AKAP5: variants seen among roughly 807,000 people sequenced by gnomAD.
AKAP5 encodes the protein A-kinase anchor protein 5.
In AKAP5, 5 loss-of-function variants were observed where a neutral mutation model predicts 13.8. The observed-to-expected ratio is 0.36, with a 90% confidence interval of 0.19 to 0.76. AKAP5 has a LOEUF of 0.76. Among genes scored for constraint, AKAP5 ranks in the 30% least tolerant of loss-of-function variants. AKAP5 has a pLI of 0.51. For synonymous variants in AKAP5, 148 were observed against 167.2 expected, an observed-to-expected ratio of 0.89 and a Z score of 0.89; for missense variants, 406 against 484.4, an observed-to-expected ratio of 0.84 and a Z score of 1.52.
In AKAP5 at chr14:64,468,301, A is replaced by G; in HGVS notation, c.-94A>G. On this transcript the variant is annotated 5_prime_UTR_variant, in exon 2 of 2. Transcript: ENST00000394718. ...TATGAATATGCCTGGAAGAAATTTT[A>G]CCTAGTGTGACATTTTTGCTCATCT... 8.4e-7 allele frequency: 1 copy of G among 1,192,524 alleles called. No homozygotes were observed. Among genetic ancestry groups the G allele is most frequent in the Non-Finnish European group, 1.2e-6 (1 of 863,566 alleles). The allele number at this position is 1,192,524 out of a possible 1,614,324, so 73.9% of individuals were successfully genotyped here. A position where few individuals can be genotyped will look rare whatever the true frequency, so the allele number is the denominator to read the frequency against.
chr14:64,469,506 T>C lies in AKAP5; in HGVS notation c.1112T>C (p.Val371Ala). 6.2e-7 allele frequency: 1 copy of C among 1,613,412 alleles called. No individual in the cohort carries two copies. Among genetic ancestry groups the C allele is most frequent in the Non-Finnish European group, 8.5e-7 (1 of 1,179,858 alleles). The part of the protein sequence containing the change: ...QFLISAENEQ[V>A]GVFANDNGFE... Reference sequence around the variant, plus strand: ...TTAATTTCAGCTGAAAATGAGCAAGTAGGGGTTTTTGCTAATGATAATGGT... The same window carrying C: ...TTAATTTCAGCTGAAAATGAGCAAGCAGGGGTTTTTGCTAATGATAATGGT... Residue 371 changes from valine (V) to alanine (A), a missense_variant, in exon 2 of 2, where the codon GTA becomes GCA. Val to Ala is a moderately conservative substitution (Grantham distance 64, BLOSUM62 0). Coordinates refer to ENST00000394718, the MANE Select transcript of AKAP5 (RefSeq NM_004857.3).
At chr14:64,467,791 G>A (rs1297967244) in intron 1 of AKAP5, 1 of 152,052 alleles carries the variant, frequency 6.6e-6, no homozygotes, top group African/African-American at 2.4e-5. Context: ...ACATCAGCTT[G>A]CTTTTCATCC....
At position 64,472,704 on chromosome 14, in the gene AKAP5, G is replaced by A. The variant is rs1228148067; in HGVS notation, c.*3026G>A. 1 of 166,818 alleles carries A rather than the reference G, an allele frequency of 6.0e-6. No individual in the cohort carries two copies. Among genetic ancestry groups the A allele is most frequent in the African/African-American group, 2.4e-5 (1 of 41,432 alleles). 10.3% of individuals were successfully genotyped at this position (166,818 alleles called of 1,614,324 possible). A position where few individuals can be genotyped will look rare whatever the true frequency, so the allele number is the denominator to read the frequency against. On this transcript the variant is annotated 3_prime_UTR_variant, in exon 2 of 2. Transcript: ENST00000394718. ...CTACATGGCCAAATCCTATTACAGTGAATTCTAAGGTGATTCAAATTGTTT... is the reference window on the plus strand; with the variant it reads ...CTACATGGCCAAATCCTATTACAGTAAATTCTAAGGTGATTCAAATTGTTT...
Position 64,474,229 on chromosome 14 carries a change from G to A in AKAP5, c.*4551G>A, listed in dbSNP as rs892870134. 1 of 167,064 alleles carries A rather than the reference G, an allele frequency of 6.0e-6. No individual in the cohort carries two copies. The highest frequency in any genetic ancestry group is 2.4e-5 in the African/African-American group (1 of 41,438). The allele number at this position is 167,064 out of a possible 1,614,324, so 10.3% of individuals were successfully genotyped here. On this transcript the variant is annotated 3_prime_UTR_variant, in exon 2 of 2. Transcript: ENST00000394718. ...CTGAATACAGCAGCAGTTTGAAAGTGTTCCGTTTTTAAATAAACAGTATGC... is the reference window on the plus strand; with the variant it reads ...CTGAATACAGCAGCAGTTTGAAAGTATTCCGTTTTTAAATAAACAGTATGC...
Position 64,466,174 on chromosome 14 carries a change from C to G in AKAP5, c.-264+561C>G, listed in dbSNP as rs530515934. 3.5e-4 allele frequency among the ~76,000 whole-genome samples: 54 copies of G among 152,296 alleles called. 1 individual carries two copies. Among genetic ancestry groups the G allele is most frequent in the Middle Eastern group, 3.4e-3 (1 of 294 alleles). On this transcript the variant is annotated intron_variant, in intron 1 of 1. Coordinates refer to ENST00000394718, the MANE Select transcript of AKAP5 (RefSeq NM_004857.3). ...TGTGACATGAGACTTGCAATTCCAT[C>G]AGGAAATGAGCACAGGGACTTTAAG...
chr14:64,469,395 G>A lies in AKAP5; in HGVS notation c.1001G>A (p.Arg334Lys). The change falls in exon 2 of 2, where the codon AGA becomes AAA. Residue 334 changes from arginine to lysine, a missense_variant. Coordinates refer to ENST00000394718, the MANE Select transcript of AKAP5 (RefSeq NM_004857.3). The part of the protein sequence containing the change: ...EEKSKSEESK[R>K]MEPIAIIITD... Reference sequence around the variant, plus strand: ...AAATCCAAATCAGAAGAAAGCAAAAGAATGGAGCCAATTGCTATTATTATT... The same window carrying A: ...AAATCCAAATCAGAAGAAAGCAAAAAAATGGAGCCAATTGCTATTATTATT... 6.2e-7 allele frequency: 1 copy of A among 1,613,980 alleles called. No homozygotes were observed. Among genetic ancestry groups the A allele is most frequent in the Non-Finnish European group, 8.5e-7 (1 of 1,179,972 alleles).
chr14:64,472,962 A>T lies in AKAP5; in HGVS notation c.*3284A>T, dbSNP rs2078690190. 6.0e-6 allele frequency: 1 copy of T among 167,046 alleles called. No individual in the cohort carries two copies. Among genetic ancestry groups the T allele is most frequent in the East Asian group, 1.9e-4 (1 of 5,210 alleles). The allele number at this position is 167,046 out of a possible 1,614,324, so 10.3% of individuals were successfully genotyped here. On this transcript the variant is annotated 3_prime_UTR_variant, in exon 2 of 2. Transcript: ENST00000394718. ...GCTTTTAATGAATGTTTATTTATTTATTAGCCAAAATTCAGTTTCTCTTTG... is the reference window on the plus strand; with the variant it reads ...GCTTTTAATGAATGTTTATTTATTTTTTAGCCAAAATTCAGTTTCTCTTTG...
rs994804561 is a variant in AKAP5 at position 64,469,939 on chromosome 14, T to C, written c.*261T>C. On this transcript the variant is annotated 3_prime_UTR_variant, in exon 2 of 2. Transcript: ENST00000394718. ...CATACAGGGAGTTGCTAAAATGGCA[T>C]ATGGAGATTGGAGTGCTTTGGGGGA... 2.7e-4 allele frequency: 88 copies of C among 324,570 alleles called. No homozygotes were observed. Among genetic ancestry groups the C allele is most frequent in the African/African-American group, 1.7e-3 (80 of 46,014 alleles). 20.1% of individuals were successfully genotyped at this position (324,570 alleles called of 1,614,324 possible).
chr14:64,471,801 C>G lies in AKAP5; in HGVS notation c.*2123C>G, dbSNP rs2078675259. 2.4e-5 allele frequency: 4 copies of G among 167,158 alleles called. No individual in the cohort carries two copies. In the South Asian group the frequency reaches 8.3e-4, roughly 35 times the overall value. 10.4% of individuals were successfully genotyped at this position (167,158 alleles called of 1,614,324 possible). A position where few individuals can be genotyped will look rare whatever the true frequency, so the allele number is the denominator to read the frequency against. On this transcript the variant is annotated 3_prime_UTR_variant, in exon 2 of 2. Transcript: ENST00000394718. Reference sequence around the variant, plus strand: ...TGCACATTAGATGATTTTAAATGATCTGGGTGAATTCTTGCATTGTGTATG... The same window carrying G: ...TGCACATTAGATGATTTTAAATGATGTGGGTGAATTCTTGCATTGTGTATG...
chr14:64,469,008 C>G lies in AKAP5; in HGVS notation c.614C>G (p.Ser205Cys), dbSNP rs2230492. 26 of 1,614,060 alleles carry G rather than the reference C, an allele frequency of 1.6e-5. No individual in the cohort carries two copies. The highest frequency in any genetic ancestry group is 1.9e-5 in the Non-Finnish European group (23 of 1,180,034). ...TCAAATGTGAGCAATAGCACAACTT[C>G]TGGAGAGAAAGTGATTTCAGTAGAA... ...CESNVSNSTT[S>C]GEKVISVELG... The change falls in exon 2 of 2, where the codon TCT becomes TGT. Residue 205 changes from serine to cysteine, a missense_variant. Ser to Cys is a moderately radical substitution (Grantham distance 112). Transcript: ENST00000394718.
Position 64,468,773 on chromosome 14 carries a change from A to C in AKAP5, c.379A>C (p.Ile127Leu). The change falls in exon 2 of 2, where the codon ATT becomes CTT. Residue 127 changes from isoleucine (I) to leucine (L), a missense_variant. Coordinates refer to ENST00000394718, the MANE Select transcript of AKAP5 (RefSeq NM_004857.3). ...GAAAAAGGCAAAATCTAGACTTAAG[A>C]TTCCCTGCATAAAATTCCCAAGAGG... ...SKKKAKSRLK[I>L]PCIKFPRGPK... 6.2e-7 allele frequency: 1 copy of C among 1,614,220 alleles called. No individual in the cohort carries two copies. Among genetic ancestry groups the C allele is most frequent in the South Asian group, 1.1e-5 (1 of 91,088 alleles).
rs781537777 is a variant in AKAP5, at chr14:64,469,651, TAATAA to T, written c.1264_1268del (p.Ile422GlnfsTer18). Reference sequence around the variant, plus strand: ...TGGTTAATGAAATGGCCTCTGATGATAATAAAATAAACAATCTTCTACAGTGACTT... The same window carrying T: ...TGGTTAATGAAATGGCCTCTGATGATAATAAACAATCTTCTACAGTGACTT... On this transcript the variant is annotated frameshift_variant, in exon 2 of 2. Coordinates refer to ENST00000394718, the MANE Select transcript of AKAP5 (RefSeq NM_004857.3). LOFTEE classifies it high-confidence loss of function. 2.6e-5 allele frequency: 41 copies of T among 1,592,430 alleles called. No homozygotes were observed. The highest frequency in any genetic ancestry group is 3.3e-5 in the Non-Finnish European group (39 of 1,173,034).
rs1360263825 is a variant in AKAP5 at position 64,474,046 on chromosome 14, G to T, written c.*4368G>T. 6.0e-6 allele frequency: 1 copy of T among 167,094 alleles called. No individual in the cohort carries two copies. The highest frequency in any genetic ancestry group is 1.5e-5 in the Non-Finnish European group (1 of 68,126). The allele number at this position is 167,094 out of a possible 1,614,324, so 10.4% of individuals were successfully genotyped here. A position where few individuals can be genotyped will look rare whatever the true frequency, so the allele number is the denominator to read the frequency against. On this transcript the variant is annotated 3_prime_UTR_variant, in exon 2 of 2. Transcript: ENST00000394718. The stretch of plus-strand genomic sequence containing the variant: ...ATACCTAACACTATTTGATAAGGGA[G>T]ACAGGCTCCCTGCCATCCAAGAACT...
At position 64,469,550 on chromosome 14, in the gene AKAP5, G is replaced by C; in HGVS notation, c.1156G>C (p.Glu386Gln). Residue 386 changes from glutamate to glutamine, a missense_variant, in exon 2 of 2, where the codon GAA becomes CAA. Glu to Gln is a conservative substitution (Grantham distance 29). Transcript: ENST00000394718. ...TAATGGTTTTGAGGATAGAACTTCA[G>C]AACAATATGAAACACTCTTAATTGA... The part of the protein sequence containing the change: ...NDNGFEDRTS[E>Q]QYETLLIETA... 1 of 1,613,894 alleles carries C rather than the reference G, an allele frequency of 6.2e-7. No individual in the cohort carries two copies. Among genetic ancestry groups the C allele is most frequent in the Non-Finnish European group, 8.5e-7 (1 of 1,179,950 alleles).
chr14:64,468,992 A>T lies in AKAP5; in HGVS notation c.598A>T (p.Ser200Cys). ...TGATGAGGTCTGTGAATCAAATGTGAGCAATAGCACAACTTCTGGAGAGAA... is the reference window on the plus strand; with the variant it reads ...TGATGAGGTCTGTGAATCAAATGTGTGCAATAGCACAACTTCTGGAGAGAA... ...DGDEVCESNV[S>C]NSTTSGEKVI... The change falls in exon 2 of 2, where the codon AGC becomes TGC. Residue 200 changes from serine (S) to cysteine (C), a missense_variant. Transcript: ENST00000394718. 6.2e-7 allele frequency: 1 copy of T among 1,614,190 alleles called. No homozygotes were observed. The highest frequency in any genetic ancestry group is 8.5e-7 in the Non-Finnish European group (1 of 1,180,006).
chr14:64,469,153 A>G lies in AKAP5; in HGVS notation c.759A>G (p.Ser253=). ...AGCAAGCAAGCCCACTTGAAACTTCAGAAACAGACCATCAGCAGCCAGTAC... is the reference window on the plus strand; with the variant it reads ...AGCAAGCAAGCCCACTTGAAACTTCGGAAACAGACCATCAGCAGCCAGTAC... The part of the protein sequence containing the change: ...QPQQASPLET[S]ETDHQQPVLS... The change falls in exon 2 of 2, where the codon TCA becomes TCG. Residue 253 remains serine (S), a synonymous_variant. Coordinates refer to ENST00000394718, the MANE Select transcript of AKAP5 (RefSeq NM_004857.3). 1 of 1,614,180 alleles carries G rather than the reference A, an allele frequency of 6.2e-7. No homozygotes were observed. The highest frequency in any genetic ancestry group is 2.2e-5 in the East Asian group (1 of 44,882).
In AKAP5 at chr14:64,469,444, T is replaced by C. The variant is rs753014431; in HGVS notation, c.1050T>C (p.Phe350=). The C allele has an allele frequency of 1.7e-5, 27 of 1,612,870 alleles. No individual in the cohort carries two copies. Among genetic ancestry groups the C allele is most frequent in the Admixed American group, 1.0e-4 (6 of 59,802 alleles). ...IIITDTEISE[F]DVTKSKNVPK... Reference sequence around the variant, plus strand: ...TTACAGACACTGAAATCAGTGAATTTGATGTTACAAAATCTAAAAATGTCC... The same window carrying C: ...TTACAGACACTGAAATCAGTGAATTCGATGTTACAAAATCTAAAAATGTCC... Residue 350 remains phenylalanine (F), a synonymous_variant, in exon 2 of 2, where the codon TTT becomes TTC. Coordinates refer to ENST00000394718, the MANE Select transcript of AKAP5 (RefSeq NM_004857.3).
chr14:64,465,849 G>A (rs1272469061), intron 1 of AKAP5, among the ~76,000 whole-genome samples: 1 of 152,234 alleles, frequency 6.6e-6, no homozygotes, highest in Non-Finnish European at 1.5e-5. Context: ...AGAAGCATGG[G>A]TTGCCGGTGG....
In AKAP5 at chr14:64,472,978, T is replaced by A. The variant is rs1302757606; in HGVS notation, c.*3300T>A. 1 of 167,202 alleles carries A rather than the reference T, an allele frequency of 6.0e-6. No homozygotes were observed. Among genetic ancestry groups the A allele is most frequent in the East Asian group, 1.9e-4 (1 of 5,192 alleles). The allele number at this position is 167,202 out of a possible 1,614,324, so 10.4% of individuals were successfully genotyped here. ...TATTTATTTATTAGCCAAAATTCAG[T>A]TTCTCTTTGAACCCAGAATTTTGCA... On this transcript the variant is annotated 3_prime_UTR_variant, in exon 2 of 2. Transcript: ENST00000394718.
Sources: gnomAD v4.1 joint callset for allele counts (sites outside exome capture counted in the v4.1 genomes callset) on GRCh38, gnomAD v4.1.1 for gene constraint, MANE v1.5 for transcripts, NCBI Gene and HGNC (gene_info 2026-07-23, HGNC 2026-07-21) for gene names.